ARHGAP10: variants seen among roughly 807,000 people sequenced by gnomAD.
ARHGAP10 encodes the protein rho GTPase-activating protein 10.
Under a neutral mutation model 108.6 loss-of-function variants are expected in ARHGAP10, and 87 were observed. The observed-to-expected ratio is 0.80, with a 90% confidence interval of 0.67 to 0.96. The LOEUF (loss-of-function observed/expected upper bound fraction) is 0.96. Ranked by LOEUF, ARHGAP10 falls within the 40% of genes least tolerant of loss-of-function variation. ARHGAP10 has a pLI of 0.00. For missense variants in ARHGAP10, 939 were observed against 954.5 expected (o/e 0.98, Z 0.21); for synonymous variants, 347 against 341.1 (o/e 1.02, Z -0.19).
At chr4:147,839,636 T>C (rs1011121909) in intron 3 of ARHGAP10, among the ~76,000 whole-genome samples, 2 of 152,236 alleles carry the variant, frequency 1.3e-5, no homozygotes, top group African/African-American at 4.8e-5. Context: ...CTATTGTCTT[T>C]AGAATTTATG....
intron 3 of ARHGAP10, among the ~76,000 whole-genome samples, chr4:147,825,984 G>A (rs757052136): frequency 6.6e-6 from 1 of 152,156 alleles, no homozygotes; most frequent in Non-Finnish European, 1.5e-5. Context: ...CCATTGGCAG[G>A]CAGTGAAAAA....
At chr4:147,943,021 A>G (rs191820325) in intron 14 of ARHGAP10, among the ~76,000 whole-genome samples, 7 of 152,364 alleles carry the variant, frequency 4.6e-5, no homozygotes, top group African/African-American at 1.7e-4. Context: ...GGCAGGGAGA[A>G]ATATCAGATG....
chr4:147,783,451 A>G (rs577228155), intron 1 of ARHGAP10, among the ~76,000 whole-genome samples: 36 of 143,634 alleles, frequency 2.5e-4, no homozygotes, highest in African/African-American at 8.6e-4. Flanking sequence ...TTTATATAGC[A>G]CACATTAAAT....
intron 9 of ARHGAP10, among the ~76,000 whole-genome samples, chr4:147,879,651 C>G (rs929522693): frequency 2.0e-5 from 3 of 151,944 alleles, no homozygotes; most frequent in Admixed American, 2.0e-4. Flanking sequence ...CCCATCAACC[C>G]ATCATCTACA....
chr4:147,991,773 T>C (rs1740287146), intron 18 of ARHGAP10, among the ~76,000 whole-genome samples: 1 of 152,246 alleles, frequency 6.6e-6, no homozygotes, highest in Admixed American at 6.5e-5. Flanking sequence ...TTTCTAAGGA[T>C]AGTAGGCTCA....
intron 1 of ARHGAP10, among the ~76,000 whole-genome samples, chr4:147,803,206 A>G (rs746846171): frequency 6.6e-6 from 1 of 152,040 alleles, no homozygotes; most frequent in South Asian, 2.1e-4. Context: ...ATGGGGTTTC[A>G]CCGTGTTGGC....
At chr4:147,756,885 T>G (rs1579006046) in intron 1 of ARHGAP10, among the ~76,000 whole-genome samples, 1 of 148,834 alleles carries the variant, frequency 6.7e-6, no homozygotes, top group Admixed American at 6.7e-5. Flanking sequence ...GTGTAATTGT[T>G]TTTTTTTTTT....
chr4:148,018,525 C>A (rs908054834), intron 18 of ARHGAP10, among the ~76,000 whole-genome samples: 7 of 147,214 alleles, frequency 4.8e-5, no homozygotes, highest in African/African-American at 1.8e-4. Context: ...CCCTTTAAGT[C>A]ATTCCTGGTG....
rs770683315 is a variant in ARHGAP10 at position 147,875,134 on chromosome 4, G to C, written c.816G>C (p.Leu272=). The C allele has an allele frequency of 3.8e-6, 6 of 1,581,148 alleles. No homozygotes were observed. The highest frequency in any genetic ancestry group is 5.1e-6 in the Non-Finnish European group (6 of 1,170,728). Residue 272 remains leucine (L), a synonymous_variant, in exon 8 of 23, where the codon CTG becomes CTC. Coordinates refer to ENST00000336498, the MANE Select transcript of ARHGAP10 (RefSeq NM_024605.4). ...GTCAGTTTACAGCCGAAGGCTACCT[G>C]TATGTCCAGGAAAAAAGTAAGAGGC... ...RASQFTAEGY[L]YVQEKRPAPF...
intron 4 of ARHGAP10, among the ~76,000 whole-genome samples, chr4:147,848,620 TC>T (rs1379455124): frequency 6.6e-6 from 1 of 152,264 alleles, no homozygotes; most frequent in Non-Finnish European, 1.5e-5. Context: ...TGGCAGGTAT[TC>T]CGTGTAAACA....
intron 3 of ARHGAP10, among the ~76,000 whole-genome samples, chr4:147,842,890 A>G (rs946126081): frequency 6.6e-6 from 1 of 152,204 alleles, no homozygotes; most frequent in Non-Finnish European, 1.5e-5. Context: ...TGATAACTTC[A>G]TAAACTCCTC....
At chr4:147,989,767 G>A (rs886140331) in intron 18 of ARHGAP10, among the ~76,000 whole-genome samples, 2 of 151,988 alleles carry the variant, frequency 1.3e-5, no homozygotes, top group East Asian at 1.9e-4. Flanking sequence ...TGTAGTTAAC[G>A]CAATTATTAC....
At chr4:148,031,528 C>G (rs1401166952) in intron 19 of ARHGAP10, among the ~76,000 whole-genome samples, 1 of 152,192 alleles carries the variant, frequency 6.6e-6, no homozygotes, top group Admixed American at 6.5e-5. Flanking sequence ...CTTAATCACT[C>G]TACTAGAGTG....
intron 18 of ARHGAP10, among the ~76,000 whole-genome samples, chr4:147,967,370 A>G (rs1739244357): frequency 6.6e-6 from 1 of 152,218 alleles, no homozygotes; most frequent in Admixed American, 6.5e-5. Context: ...TTCTGGTTAC[A>G]CCTAGCTGTT....
At chr4:147,889,922 G>T (rs189518876) in intron 10 of ARHGAP10, among the ~76,000 whole-genome samples, 3 of 152,128 alleles carry the variant, frequency 2.0e-5, no homozygotes, top group African/African-American at 4.8e-5. Flanking sequence ...TTTTTCTCTT[G>T]TTTGGGAAGC....
At chr4:147,875,931 A>T (rs1735040814) in intron 8 of ARHGAP10, among the ~76,000 whole-genome samples, 2 of 152,228 alleles carry the variant, frequency 1.3e-5, no homozygotes, top group African/African-American at 4.8e-5. Flanking sequence ...AGCAGAAGGG[A>T]TGAGAATGTG....
At chr4:148,067,988 C>T (rs1279853691) in intron 22 of ARHGAP10, among the ~76,000 whole-genome samples, 2 of 151,462 alleles carry the variant, frequency 1.3e-5, no homozygotes, top group Admixed American at 6.6e-5. Context: ...ACTCCCCCGC[C>T]CCCCACCCTC....
chr4:147,804,501 C>T (rs1019821193), intron 1 of ARHGAP10, among the ~76,000 whole-genome samples: 2 of 152,132 alleles, frequency 1.3e-5, no homozygotes, highest in African/African-American at 4.8e-5. Flanking sequence ...GATTTCTATT[C>T]CTCTCTGGGT....
chr4:147,765,127 A>G (rs1729744406), intron 1 of ARHGAP10, among the ~76,000 whole-genome samples: 1 of 152,202 alleles, frequency 6.6e-6, no homozygotes. Flanking sequence ...CATGTTGGAC[A>G]GGGAAATGGG....
Sources: allele counts gnomAD v4.1 joint callset (sites outside exome capture counted in the v4.1 genomes callset), GRCh38; gene constraint gnomAD v4.1.1; transcripts MANE v1.5; gene names NCBI Gene and HGNC (gene_info 2026-07-23, HGNC 2026-07-21).